Variants in SAFB observed in about 807,000 individuals in gnomAD.
SAFB encodes the protein scaffold attachment factor B1.
SAFB carries 15 observed loss-of-function variants against 101.6 expected under a neutral mutation model. That is an observed-to-expected ratio of 0.15 (90% confidence interval 0.10 to 0.23). SAFB has a LOEUF of 0.23. Ranked by LOEUF, SAFB falls within the 10% of genes least tolerant of loss-of-function variation. The pLI is 1.00. For missense variants in SAFB, 930 were observed against 1,104.1 expected, an observed-to-expected ratio of 0.84 and a Z score of 2.23; for synonymous variants, 449 against 407.5, an observed-to-expected ratio of 1.10 and a Z score of -1.23.
At chr19:5,630,119 C>G (rs941092016) in intron 2 of SAFB, among the ~76,000 whole-genome samples, 1 of 152,224 alleles carries the variant, frequency 6.6e-6, no homozygotes, top group African/African-American at 2.4e-5. Flanking sequence ...TCACTAAACT[C>G]AACATCAAAC....
chr19:5,644,745 G>C (rs909421609), intron 4 of SAFB, among the ~76,000 whole-genome samples: 2 of 152,206 alleles, frequency 1.3e-5, no homozygotes, highest in African/African-American at 2.4e-5. Flanking sequence ...CCCTTTCTTT[G>C]TTTGGGGAAT....
At chr19:5,651,725 C>T (rs2053942372) in intron 9 of SAFB, among the ~76,000 whole-genome samples, 1 of 152,212 alleles carries the variant, frequency 6.6e-6, no homozygotes, top group African/African-American at 2.4e-5. Flanking sequence ...CTGGTGTTTC[C>T]CAGACTTGCC....
In SAFB at chr19:5,667,806, C is replaced by T. The variant is rs747331180; in HGVS notation, c.2558-14C>T. ...TGCGCAAGTTCCCTGTGTGAAAGCA[C>T]GTCTGTCTTCCAGGTGGCGAGAGAA... is the stretch of plus-strand genomic sequence containing the variant. On this transcript the variant is annotated splice_polypyrimidine_tract_variant and intron_variant, in intron 19 of 20. Transcript: ENST00000588852. The surrounding 1 kb of genome is among the most constrained non-coding windows in gnomAD (Gnocchi z 4.0). 7 of 1,613,770 alleles carry T rather than the reference C, an allele frequency of 4.3e-6. No homozygotes were observed. The highest frequency in any genetic ancestry group is 2.2e-5 in the South Asian group (2 of 91,074).
At chr19:5,641,341 G>A (rs2053708856) in intron 2 of SAFB, among the ~76,000 whole-genome samples, 1 of 152,082 alleles carries the variant, frequency 6.6e-6, no homozygotes, top group South Asian at 2.1e-4. Flanking sequence ...GTCTGATCCT[G>A]TTCAACTTTA....
intron 9 of SAFB, among the ~76,000 whole-genome samples, chr19:5,652,686 A>G (rs2053965590): frequency 6.6e-6 from 1 of 152,182 alleles, no homozygotes; most frequent in Admixed American, 6.5e-5. Context: ...TGAGTTCCAG[A>G]GCACGGCTCA....
intron 14 of SAFB, among the ~76,000 whole-genome samples, chr19:5,657,973 A>G (rs1450688769): frequency 6.6e-6 from 1 of 152,176 alleles, no homozygotes; most frequent in Admixed American, 6.5e-5. Context: ...GAAGAGAGAC[A>G]GTGAGGTAGA....
intron 15 of SAFB, among the ~76,000 whole-genome samples, chr19:5,663,713 C>T (rs568621333): frequency 6.6e-6 from 1 of 152,238 alleles, no homozygotes; most frequent in African/African-American, 2.4e-5. Flanking sequence ...ACGTGGTCTT[C>T]CTGAGCGGAG....
At chr19:5,654,489 C>T (rs1229981657) in intron 13 of SAFB, 33 bp downstream of exon 13, 6 of 1,259,072 alleles carry the variant, frequency 4.8e-6, no homozygotes, top group African/African-American at 3.0e-5. Context: ...GGGTATTTTG[C>T]TCTTCTTTTC....
At position 5,662,411 on chromosome 19, in the gene SAFB, G is replaced by A. The variant is rs187553661; in HGVS notation, c.2153+603G>A. 1.6e-3 allele frequency among the ~76,000 whole-genome samples: 241 copies of A among 151,696 alleles called. 1 individual carries two copies. Among genetic ancestry groups the A allele is most frequent in the Admixed American group, 1.7e-3 (26 of 15,272 alleles). On this transcript the variant is annotated intron_variant, in intron 15 of 20. Transcript: ENST00000588852. ...GGGGAGGTTGAGGCAGGAAAATCGC[G>A]TGTACCCAGGAGGCAGAGGTTGCAG... is the stretch of plus-strand genomic sequence containing the variant.
intron 1 of SAFB, 144 bp from the exon 2 acceptor site, chr19:5,626,261 G>T: frequency 1.8e-6 from 1 of 564,860 alleles, no homozygotes; most frequent in South Asian, 2.3e-5. Context: ...TAACAGATGA[G>T]TGGATGGGCC....
intron 9 of SAFB, among the ~76,000 whole-genome samples, chr19:5,652,375 G>C (rs1268011391): frequency 6.6e-6 from 1 of 152,162 alleles, no homozygotes; most frequent in East Asian, 1.9e-4. Flanking sequence ...GTGGGGAAGT[G>C]TTGCCCTGGA....
In SAFB at chr19:5,648,013, C is replaced by T. The variant is rs2053860913; in HGVS notation, c.610-3C>T. The T allele has an allele frequency of 1.2e-6, 2 of 1,612,942 alleles. No homozygotes were observed. The highest frequency in any genetic ancestry group is 1.7e-6 in the Non-Finnish European group (2 of 1,179,112). ...ACAGTCTTATTTACGTTTTTTCTTG[C>T]AGGAAATTGAAGAGCCATCCCTGGA... is the stretch of plus-strand genomic sequence containing the variant. On this transcript the variant is annotated splice_polypyrimidine_tract_variant and splice_region_variant and intron_variant, in intron 5 of 20. Transcript: ENST00000588852.
intron 5 of SAFB, 97 bp downstream of exon 5, chr19:5,645,496 TCAC>T: frequency 3.1e-6 from 2 of 650,762 alleles, no homozygotes; most frequent in South Asian, 1.8e-5. Flanking sequence ...CAGCTAATAA[TCAC>T]CACAAGGGTT....
intron 9 of SAFB, 39 bp downstream of exon 9, chr19:5,651,111 C>T: frequency 7.3e-7 from 1 of 1,366,306 alleles, no homozygotes; most frequent in Non-Finnish European, 1.0e-6. Flanking sequence ...TACTTTGAAA[C>T]CAGCGTTGTG....
chr19:5,643,197 TCAGA>T (rs377397098), intron 4 of SAFB, among the ~76,000 whole-genome samples: 7 of 152,290 alleles, frequency 4.6e-5, no homozygotes, highest in African/African-American at 1.7e-4. Flanking sequence ...TTAATGTTTG[TCAGA>T]CAGAAAAAGT....
chr19:5,630,051 CAAAAACAAAAAG>C (rs890989733), intron 2 of SAFB, among the ~76,000 whole-genome samples: 1 of 152,024 alleles, frequency 6.6e-6, no homozygotes, highest in Admixed American at 6.5e-5. Flanking sequence ...AAAACAAAAA[CAAAAACAAAAAG>C]CTGTCCCAGG....
intron 9 of SAFB, among the ~76,000 whole-genome samples, chr19:5,652,254 T>C (rs913211407): frequency 1.3e-5 from 2 of 152,012 alleles, no homozygotes; most frequent in Admixed American, 6.5e-5. Flanking sequence ...ACTAAGGGCT[T>C]CTTGAGCCTC....
chr19:5,649,129 C>T lies in SAFB; in HGVS notation c.778C>T (p.Leu260=). The change falls in exon 7 of 21, where the codon CTA becomes TTA. Residue 260 remains leucine (L), a synonymous_variant. Transcript: ENST00000588852. ...CAGAAAGCTTGCGGAGGAAGAGGAC[C>T]TATTTGACAGCGCCCATCCGGAAGA... ...PDRKLAEEED[L]FDSAHPEEGD... is the part of the protein sequence containing the mutation. 2 of 417,104 alleles carry T rather than the reference C, an allele frequency of 4.8e-6. No homozygotes were observed. The highest frequency in any genetic ancestry group is 1.1e-4 in the Admixed American group (2 of 18,478). The allele number at this position is 417,104 out of a possible 1,614,324, so 25.8% of individuals were successfully genotyped here. A position where few individuals can be genotyped will look rare whatever the true frequency, so the allele number is the denominator to read the frequency against.
chr19:5,623,501 C>T (rs2053243146), intron 1 of SAFB, 107 bp downstream of exon 1: 2 of 917,246 alleles, frequency 2.2e-6, no homozygotes, highest in African/African-American at 1.8e-5. Flanking sequence ...TTCGCGGCCT[C>T]GCCGGACCTG....
Sources: allele counts gnomAD v4.1 joint callset (sites outside exome capture counted in the v4.1 genomes callset), GRCh38; gene constraint gnomAD v4.1.1; non-coding constraint Gnocchi (gnomAD v3.1); transcripts MANE v1.5; gene names NCBI Gene and HGNC (gene_info 2026-07-23, HGNC 2026-07-21).